Variants in DNAH14 observed in about 807,000 individuals in gnomAD.
The protein encoded by DNAH14 is axonemal beta dynein heavy chain 14.
Under a neutral mutation model 520.9 loss-of-function variants are expected in DNAH14, and 478 were observed. The observed-to-expected ratio is 0.92, with a 90% CI of 0.85 to 0.99. The LOEUF is 0.99. Ranked by LOEUF, DNAH14 falls within the 50% of genes least tolerant of loss-of-function variation. The probability of loss-of-function intolerance (pLI) is 0.00; values close to 1 mark genes in which losing one functional copy is unlikely to be tolerated. For missense variants in DNAH14, 4,831 were observed against 5,234.5 expected (o/e 0.92, Z 2.38); for synonymous variants, 1,581 against 1,757.2 (o/e 0.90, Z 2.51).
intron 23 of DNAH14, among the ~76,000 whole-genome samples, chr1:225,110,153 T>C (rs2076375108): frequency 6.6e-6 from 1 of 152,170 alleles, no homozygotes; most frequent in South Asian, 2.1e-4. Context: ...TCTTTTTTAA[T>C]GTGTCTTTGT....
intron 23 of DNAH14, among the ~76,000 whole-genome samples, chr1:225,106,510 A>G (rs887166967): frequency 6.6e-6 from 1 of 152,184 alleles, no homozygotes; most frequent in Non-Finnish European, 1.5e-5. Context: ...TGTTACTTTC[A>G]GGTACACCAA....
At chr1:225,012,591 G>A (rs1199207780) in intron 10 of DNAH14, among the ~76,000 whole-genome samples, 1 of 152,118 alleles carries the variant, frequency 6.6e-6, no homozygotes, top group Admixed American at 6.6e-5. Flanking sequence ...TCACTTTCAG[G>A]TACACCAATC....
rs1333745747 is a variant in DNAH14 at position 225,360,852 on chromosome 1, C to G, written c.11948C>G (p.Ala3983Gly). The G allele has an allele frequency of 3.9e-6, 6 of 1,551,572 alleles. No homozygotes were observed. Among genetic ancestry groups the G allele is most frequent in the Non-Finnish European group, 5.2e-6 (6 of 1,146,994 alleles). ...QWVFLQNCHL[A>G]TSFMPRLCTI... ...GTCTTCCTCCAGAACTGCCATCTTGCAACATCATTTATGCCAAGGCTTTGC... is the reference window on the plus strand; with the variant it reads ...GTCTTCCTCCAGAACTGCCATCTTGGAACATCATTTATGCCAAGGCTTTGC... Residue 3983 changes from alanine to glycine, a missense_variant, in exon 75 of 86, where the codon GCA becomes GGA. Transcript: ENST00000682510.
intron 1 of DNAH14, among the ~76,000 whole-genome samples, chr1:224,944,225 A>C (rs1300169651): frequency 6.6e-6 from 1 of 152,130 alleles, no homozygotes; most frequent in Non-Finnish European, 1.5e-5. Context: ...CTTCTTGTTG[A>C]ATTGATCCCT....
chr1:225,160,950 A>AATTCATTT (rs1311952872), intron 35 of DNAH14, among the ~76,000 whole-genome samples: 1 of 152,074 alleles, frequency 6.6e-6, no homozygotes, highest in East Asian at 1.9e-4. Context: ...TAAGAAGTCT[A>AATTCATTT]ATTCATTTGT....
intron 11 of DNAH14, among the ~76,000 whole-genome samples, chr1:225,035,513 T>C (rs2148148607): frequency 6.6e-6 from 1 of 152,158 alleles, no homozygotes; most frequent in East Asian, 1.9e-4. Flanking sequence ...TTTTTTGTTT[T>C]TTTTTGAGGT....
At chr1:225,360,982 C>A in intron 75 of DNAH14, 91 bp downstream of exon 75, 1 of 1,192,484 alleles carries the variant, frequency 8.4e-7, no homozygotes, top group Non-Finnish European at 1.2e-6. Context: ...TGTGTGTAAA[C>A]AATAGCAAAA....
At chr1:225,358,192 T>G (rs1224014759) in intron 73 of DNAH14, among the ~76,000 whole-genome samples, 1 of 152,194 alleles carries the variant, frequency 6.6e-6, no homozygotes, top group Non-Finnish European at 1.5e-5. Flanking sequence ...GGAAAAAATT[T>G]CTTTTTGCAG....
intron 27 of DNAH14, among the ~76,000 whole-genome samples, chr1:225,137,071 G>A (rs1346229048): frequency 6.6e-6 from 1 of 152,128 alleles, no homozygotes; most frequent in Admixed American, 6.5e-5. Flanking sequence ...ATGATTCTTA[G>A]CTTCTTTATA....
intron 42 of DNAH14, among the ~76,000 whole-genome samples, chr1:225,234,519 G>T (rs1219514060): frequency 1.3e-5 from 2 of 152,106 alleles, no homozygotes; most frequent in Admixed American, 6.6e-5. Flanking sequence ...GATTGGTTTG[G>T]CTATTCAGGC....
chr1:225,228,490 G>A (rs933104273), intron 41 of DNAH14, among the ~76,000 whole-genome samples: 3 of 152,082 alleles, frequency 2.0e-5, no homozygotes, highest in South Asian at 2.1e-4. Context: ...AACAGCAGAC[G>A]TAAGGCAACT....
chr1:225,047,682 T>G (rs1347308202), intron 15 of DNAH14, among the ~76,000 whole-genome samples: 1 of 152,208 alleles, frequency 6.6e-6, no homozygotes, highest in Non-Finnish European at 1.5e-5. Context: ...ATTTCAGAAT[T>G]GCTACTCCTT....
At chr1:225,333,872 A>G (rs1380473064) in intron 66 of DNAH14, among the ~76,000 whole-genome samples, 1 of 152,198 alleles carries the variant, frequency 6.6e-6, no homozygotes, top group African/African-American at 2.4e-5. Context: ...ATATAGAACT[A>G]CATTTATTAA....
intron 17 of DNAH14, among the ~76,000 whole-genome samples, chr1:225,063,830 C>G (rs981091424): frequency 1.3e-5 from 2 of 151,212 alleles, no homozygotes; most frequent in East Asian, 3.9e-4. Flanking sequence ...GAAAACAATG[C>G]CCAAAACATG....
At position 225,353,799 on chromosome 1, in the gene DNAH14, C is replaced by T. The variant is rs755495789; in HGVS notation, c.11534-4C>T. The T allele has an allele frequency of 1.4e-6, 2 of 1,429,946 alleles. No homozygotes were observed. Among genetic ancestry groups the T allele is most frequent in the Admixed American group, 4.4e-5 (2 of 45,538 alleles). The allele number at this position is 1,429,946 out of a possible 1,614,324, so 88.6% of individuals were successfully genotyped here. On this transcript the variant is annotated splice_polypyrimidine_tract_variant and splice_region_variant and intron_variant, in intron 72 of 85. Coordinates refer to ENST00000682510, the MANE Select transcript of DNAH14 (RefSeq NM_001367479.1). ...GCCAGTTTCTTTCTCTAAATTATAT[C>T]TAGCTGAACTTTTGAATGAAAATAA...
At chr1:225,242,860 C>A (rs190510083) in intron 43 of DNAH14, among the ~76,000 whole-genome samples, 5 of 152,092 alleles carry the variant, frequency 3.3e-5, no homozygotes, top group Admixed American at 6.6e-5. Context: ...TACGATGTTA[C>A]GATGACTATG....
chr1:224,967,427 T>A lies in DNAH14; in HGVS notation c.499-4T>A. 6.6e-7 allele frequency: 1 copy of A among 1,524,236 alleles called. No homozygotes were observed. Among genetic ancestry groups the A allele is most frequent in the African/African-American group, 1.4e-5 (1 of 70,290 alleles). The allele number at this position is 1,524,236 out of a possible 1,614,324, so 94.4% of individuals were successfully genotyped here. A position where few individuals can be genotyped will look rare whatever the true frequency, so the allele number is the denominator to read the frequency against. The stretch of plus-strand genomic sequence containing the variant: ...TTTGTTTATTATTTTTTTTTTAATC[T>A]CAGAAACCTTTGGAAGATGATGGAG... On this transcript the variant is annotated splice_polypyrimidine_tract_variant and splice_region_variant and intron_variant, in intron 5 of 85. Transcript: ENST00000682510.
At chr1:224,989,915 A>G (rs943790437) in intron 8 of DNAH14, among the ~76,000 whole-genome samples, 2 of 151,922 alleles carry the variant, frequency 1.3e-5, no homozygotes, top group Admixed American at 6.6e-5. Context: ...ATAAATCCCT[A>G]TTGGTCATGA....
intron 25 of DNAH14, chr1:225,118,219 G>A: frequency 1.8e-6 from 1 of 561,464 alleles, no homozygotes; most frequent in South Asian, 2.3e-5. Flanking sequence ...CAAACTCCTG[G>A]GTGCATTCTA....
Sources: allele counts gnomAD v4.1 joint callset (sites outside exome capture counted in the v4.1 genomes callset), GRCh38; gene constraint gnomAD v4.1.1; transcripts MANE v1.5; gene names NCBI Gene and HGNC (gene_info 2026-07-23, HGNC 2026-07-21).